ZNF492: variants seen among roughly 807,000 people sequenced by gnomAD.
The protein encoded by ZNF492 is zinc finger protein 115 (Y20).
Under a neutral mutation model 6.4 loss-of-function variants are expected in ZNF492, and 3 were observed. The observed-to-expected ratio is 0.47, with a 90% CI of 0.21 to 1.22. The LOEUF is 1.22. ZNF492 is among the 50% of genes most tolerant of loss of function. ZNF492 has a pLI of 0.22. For synonymous variants in ZNF492, 112 were observed against 205.3 expected, an observed-to-expected ratio of 0.55 and a Z score of 3.89; for missense variants, 356 against 612.5, an observed-to-expected ratio of 0.58 and a Z score of 4.42.
chr19:22,634,888 A>T (rs943078342), intron 1 of ZNF492, among the ~76,000 whole-genome samples: 1 of 152,040 alleles, frequency 6.6e-6, no homozygotes, highest in Non-Finnish European at 1.5e-5. Context: ...AATTTATGGG[A>T]GTTATCGCGA....
At chr19:22,659,342 C>A (rs1184839730) in intron 3 of ZNF492, among the ~76,000 whole-genome samples, 2 of 150,818 alleles carry the variant, frequency 1.3e-5, no homozygotes, top group Non-Finnish European at 2.9e-5. Flanking sequence ...CTATTGAGAA[C>A]CATGTGTGTC....
intron 3 of ZNF492, among the ~76,000 whole-genome samples, chr19:22,657,771 C>A (rs551958059): frequency 6.6e-6 from 1 of 152,022 alleles, no homozygotes; most frequent in South Asian, 2.1e-4. Context: ...ACATGTAAGT[C>A]GGTGTGTGGT....
chr19:22,643,468 T>G (rs906062810), intron 1 of ZNF492, among the ~76,000 whole-genome samples: 2 of 152,200 alleles, frequency 1.3e-5, no homozygotes, highest in African/African-American at 4.8e-5. Context: ...GTGCTGTGCC[T>G]GCTTTCTCTA....
At chr19:22,645,638 G>C (rs1436435793) in intron 1 of ZNF492, among the ~76,000 whole-genome samples, 1 of 152,122 alleles carries the variant, frequency 6.6e-6, no homozygotes, top group African/African-American at 2.4e-5. Context: ...TTCTTCTAGG[G>C]TTTTTATGGT....
intron 3 of ZNF492, among the ~76,000 whole-genome samples, chr19:22,662,563 G>GT (rs1972069997): frequency 6.6e-6 from 1 of 151,934 alleles, no homozygotes; most frequent in African/African-American, 2.4e-5. Context: ...GTGTAAAAGC[G>GT]TTTCTATTTC....
Position 22,634,353 on chromosome 19 carries a change from G to GGTCT in ZNF492, c.-214_-211dup. The stretch of plus-strand genomic sequence containing the variant: ...TTGTCTCTCGCTGCAGTCGGAGTAT[G>GGTCT]GTCTAGTGTTCGCTGTTCTGCGTCC... On this transcript the variant is annotated 5_prime_UTR_variant, in exon 1 of 4. An upstream open reading frame in the 5' UTR loses its in-frame stop. Transcript: ENST00000456783. 1 of 1,079,048 alleles carries GGTCT rather than the reference G, an allele frequency of 9.3e-7. No individual in the cohort carries two copies. The highest frequency in any genetic ancestry group is 1.4e-6 in the Non-Finnish European group (1 of 731,200). The allele number at this position is 1,079,048 out of a possible 1,614,324, so 66.8% of individuals were successfully genotyped here. A position where few individuals can be genotyped will look rare whatever the true frequency, so the allele number is the denominator to read the frequency against.
chr19:22,646,742 A>G (rs761336134), intron 1 of ZNF492, among the ~76,000 whole-genome samples: 4 of 152,158 alleles, frequency 2.6e-5, no homozygotes, highest in Admixed American at 6.5e-5. Context: ...GTTGAATTTT[A>G]TCAAAGGCCA....
intron 1 of ZNF492, among the ~76,000 whole-genome samples, chr19:22,644,076 G>A (rs1450607541): frequency 6.6e-6 from 1 of 151,878 alleles, no homozygotes; most frequent in Non-Finnish European, 1.5e-5. Flanking sequence ...TTTCTGTTTT[G>A]GGTCTTCTGC....
chr19:22,637,119 G>T (rs1353306174), intron 1 of ZNF492, among the ~76,000 whole-genome samples: 1 of 149,836 alleles, frequency 6.7e-6, no homozygotes, highest in Non-Finnish European at 1.5e-5. Context: ...CCACGCCCGG[G>T]TAATTTTTTG....
intron 1 of ZNF492, among the ~76,000 whole-genome samples, chr19:22,646,686 G>T (rs910615990): frequency 6.6e-6 from 1 of 152,108 alleles, no homozygotes; most frequent in African/African-American, 2.4e-5. Flanking sequence ...TTTGAGATAT[G>T]TTCCATTAAC....
At chr19:22,663,200 C>A (rs1233282327) in intron 3 of ZNF492, among the ~76,000 whole-genome samples, 3 of 150,858 alleles carry the variant, frequency 2.0e-5, no homozygotes, top group African/African-American at 7.3e-5. Context: ...GAATCCTTTC[C>A]CCATTTCTTG....
At chr19:22,647,631 T>C (rs908950650) in intron 1 of ZNF492, among the ~76,000 whole-genome samples, 12 of 151,386 alleles carry the variant, frequency 7.9e-5, no homozygotes, top group African/African-American at 2.7e-4. Flanking sequence ...GTTTTTCATG[T>C]CTATCTCCTT....
intron 3 of ZNF492, among the ~76,000 whole-genome samples, chr19:22,661,058 C>G (rs1290194433): frequency 6.6e-6 from 1 of 151,766 alleles, no homozygotes; most frequent in East Asian, 1.9e-4. Context: ...CTAAGACTTT[C>G]TTCTTGTCTT....
At position 22,636,169 on chromosome 19, in the gene ZNF492, G is replaced by T. The variant is rs573612545; in HGVS notation, c.-94+1695G>T. 1.7e-3 allele frequency among the ~76,000 whole-genome samples: 250 copies of T among 151,384 alleles called. 1 individual carries two copies. Among genetic ancestry groups the T allele is most frequent in the African/African-American group, 5.9e-3 (241 of 41,180 alleles). ...GGCTGGAGTGCAATGGCGCGATCTC[G>T]GCTCACGGCAACCTCCGCCTCCCAG... On this transcript the variant is annotated intron_variant, in intron 1 of 3. Coordinates refer to ENST00000456783, the MANE Select transcript of ZNF492 (RefSeq NM_020855.3).
rs1450561684 is a variant in ZNF492 at position 22,664,425 on chromosome 19, C to T, written c.756C>T (p.Pro252=). The change falls in exon 4 of 4, where the codon CCC becomes CCT. Residue 252 remains proline (P), a synonymous_variant. Transcript: ENST00000456783. ...THKRIHTGEK[P]YKCEECGRAF... ...AGAGAATTCATACTGGAGAGAAACC[C>T]TACAAATGTGAAGAATGTGGCAGAG... 7.2e-6 allele frequency: 11 copies of T among 1,530,238 alleles called. No homozygotes were observed. The highest frequency in any genetic ancestry group is 7.9e-6 in the Non-Finnish European group (9 of 1,134,924). The allele number at this position is 1,530,238 out of a possible 1,614,324, so 94.8% of individuals were successfully genotyped here.
intron 1 of ZNF492, among the ~76,000 whole-genome samples, chr19:22,650,863 C>T (rs1345118270): frequency 6.6e-6 from 1 of 152,106 alleles, no homozygotes. Flanking sequence ...CTGTCAGTCC[C>T]AGTGCTGGTT....
rs368514732 is a variant in ZNF492, at chr19:22,634,827, G to C, written c.-94+353G>C. On this transcript the variant is annotated intron_variant, in intron 1 of 3. Transcript: ENST00000456783. ...CGGGGTGCGGGTTCACGAATGGGAA[G>C]AGCTTTGGTTTGGTTTATGGGGTTC... Among the ~76,000 whole-genome samples, 87 of 152,280 alleles carry C rather than the reference G, an allele frequency of 5.7e-4. 1 individual carries two copies. Among genetic ancestry groups the C allele is most frequent in the African/African-American group, 1.9e-3 (78 of 41,568 alleles).
chr19:22,659,118 AC>A (rs1445523051), intron 3 of ZNF492, among the ~76,000 whole-genome samples: 1 of 150,984 alleles, frequency 6.6e-6, no homozygotes, highest in African/African-American at 2.5e-5. Flanking sequence ...TTACAGTATT[AC>A]CTTTTTCAGC....
rs1972136684 is a variant in ZNF492, at chr19:22,666,997, G to A, written c.*1732G>A. 2 of 152,222 alleles carry A rather than the reference G, an allele frequency of 1.3e-5. No homozygotes were observed. Among genetic ancestry groups the A allele is most frequent in the Admixed American group, 1.3e-4 (2 of 15,280 alleles). The allele number at this position is 152,222 out of a possible 1,614,324, so 9.4% of individuals were successfully genotyped here. On this transcript the variant is annotated 3_prime_UTR_variant, in exon 4 of 4. Transcript: ENST00000456783. The stretch of plus-strand genomic sequence containing the variant: ...TAATCCCAGCACTTTGGGAGGCAAA[G>A]GTGGGTAGATCACCTGAGGTCGGGA...
Sources: gnomAD v4.1 joint callset for allele counts (sites outside exome capture counted in the v4.1 genomes callset) on GRCh38, gnomAD v4.1.1 for gene constraint, MANE v1.5 for transcripts, NCBI Gene and HGNC (gene_info 2026-07-23, HGNC 2026-07-21) for gene names.